The following ALDH1L1 variants were observed in gnomAD, a reference collection of about 807,000 sequenced individuals.
ALDH1L1 encodes cytosolic 10-formyltetrahydrofolate dehydrogenase.
ALDH1L1 carries 68 observed loss-of-function variants against 101.1 expected under a neutral mutation model. That is an observed-to-expected ratio of 0.67 (90% CI 0.55 to 0.82). The LOEUF (loss-of-function observed/expected upper bound fraction) is 0.82, where lower values mean the gene tolerates loss of function less well. ALDH1L1 is among the 40% of genes least tolerant of loss of function. The pLI, the probability that ALDH1L1 is intolerant of heterozygous loss-of-function variation, is 0.00. For synonymous variants in ALDH1L1, 486 were observed against 470.8 expected (o/e 1.03, Z -0.42); for missense variants, 1,087 against 1,172.7 (o/e 0.93, Z 1.07).
chr3:126,117,881 C>T, intron 17 of ALDH1L1, 124 bp downstream of exon 17: 2 of 961,216 alleles, frequency 2.1e-6, no homozygotes, highest in South Asian at 1.5e-5. Flanking sequence ...TAGAGCCCAG[C>T]AGGGCCACGG....
chr3:126,187,119 G>T (rs1282624028), intron 1 of ALDH1L1, among the ~76,000 whole-genome samples: 1 of 152,142 alleles, frequency 6.6e-6, no homozygotes, highest in African/African-American at 2.4e-5. Flanking sequence ...ACAAGAGAAG[G>T]TCATGGTGGG....
chr3:126,173,406 A>G (rs993703412), intron 1 of ALDH1L1, among the ~76,000 whole-genome samples: 1 of 152,198 alleles, frequency 6.6e-6, no homozygotes, highest in African/African-American at 2.4e-5. Flanking sequence ...ATTTAAGTGT[A>G]TATTGCAAAC....
chr3:126,192,947 G>T (rs1166548232), intron 1 of ALDH1L1, among the ~76,000 whole-genome samples: 2 of 152,194 alleles, frequency 1.3e-5, no homozygotes, highest in African/African-American at 4.8e-5. Flanking sequence ...GGAATCGGAG[G>T]TGAGGTACAG....
chr3:126,105,998 C>A, intron 21 of ALDH1L1, 73 bp from the exon 22 acceptor site: 4 of 1,420,882 alleles, frequency 2.8e-6, no homozygotes, highest in Non-Finnish European at 3.9e-6. Context: ...ACACCCCGGC[C>A]CACTCCACAC....
chr3:126,153,013 C>A (rs2080835370), intron 7 of ALDH1L1: 2 of 299,152 alleles, frequency 6.7e-6, no homozygotes, highest in African/African-American at 2.2e-5. Context: ...AGGCTCTGCA[C>A]GTGCTAAGTT....
chr3:126,153,579 T>C lies in ALDH1L1; in HGVS notation c.723A>G (p.Lys241=). The C allele has an allele frequency of 6.2e-7, 1 of 1,611,562 alleles. No homozygotes were observed. Among genetic ancestry groups the C allele is most frequent in the Non-Finnish European group, 8.5e-7 (1 of 1,178,360 alleles). ...TCAGCGTTGAGTTGAAAAATGTCAG[T>C]TTCTGTCAAGGGGAGAAATATCAGA... ...PGAWTEACEQ[K]LTFFNSTLNT... Residue 241 remains lysine (K), a splice_region_variant and synonymous_variant, in exon 7 of 23, where the codon AAA becomes AAG. Coordinates refer to ENST00000393434, the MANE Select transcript of ALDH1L1 (RefSeq NM_012190.4).
rs1214133879 is a variant in ALDH1L1, at chr3:126,136,839, C to T, written c.1269G>A (p.Gln423=). Residue 423 remains glutamine, a synonymous_variant, in exon 11 of 23, where the codon CAG becomes CAA. Transcript: ENST00000393434. ...CCACGAACTCCCCCCCAATGAAGAG[C>T]TGGTGGGGCATGCGGACAGTGCGCT... ...VNKRTVRMPH[Q]LFIGGEFVDA... 1.2e-6 allele frequency: 2 copies of T among 1,611,972 alleles called. No homozygotes were observed. The highest frequency in any genetic ancestry group is 2.2e-5 in the East Asian group (1 of 44,880).
intron 1 of ALDH1L1, among the ~76,000 whole-genome samples, chr3:126,193,743 G>A (rs541985231): frequency 1.8e-4 from 27 of 152,266 alleles, no homozygotes; most frequent in Admixed American, 1.8e-3. Flanking sequence ...GGTCATAATA[G>A]GCAATTTGAA....
chr3:126,114,547 C>G lies in ALDH1L1; in HGVS notation c.2082+10G>C. 6.7e-7 allele frequency: 1 copy of G among 1,491,264 alleles called. No homozygotes were observed. 92.4% of individuals were successfully genotyped at this position (1,491,264 alleles called of 1,614,324 possible). ...TCACTGTCCCTGCCCCCTCCAGGCC[C>G]GGCCCTCACCATCTGCACAGCCTTG... On this transcript the variant is annotated intron_variant, in intron 18 of 22. Transcript: ENST00000393434.
At chr3:126,188,803 T>C (rs2081535760) in intron 1 of ALDH1L1, among the ~76,000 whole-genome samples, 1 of 152,226 alleles carries the variant, frequency 6.6e-6, no homozygotes, top group Non-Finnish European at 1.5e-5. Context: ...ACTACTATTA[T>C]GACTATTGGG....
intron 2 of ALDH1L1, among the ~76,000 whole-genome samples, chr3:126,159,998 C>T (rs2081008402): frequency 6.6e-6 from 1 of 152,312 alleles, no homozygotes; most frequent in East Asian, 1.9e-4. Context: ...CAGTCTGTCT[C>T]CATCAGGCCT....
Position 126,125,610 on chromosome 3 carries a change from G to A in ALDH1L1, c.1800+6C>T, listed in dbSNP as rs750035297. The stretch of plus-strand genomic sequence containing the variant: ...CAGGCCCTGTCCAGAGTGAACCCAC[G>A]CTCACCTGAGCAGGCTTGATCACCA... On this transcript the variant is annotated splice_donor_region_variant and intron_variant, in intron 15 of 22. Transcript: ENST00000393434. 39 of 1,544,556 alleles carry A rather than the reference G, an allele frequency of 2.5e-5. No homozygotes were observed. The Admixed American group carries it at 2.8e-4, about 11-fold the overall frequency.
intron 1 of ALDH1L1, among the ~76,000 whole-genome samples, chr3:126,171,361 G>T (rs185622456): frequency 2.1e-4 from 32 of 152,160 alleles, no homozygotes; most frequent in South Asian, 4.2e-4. Flanking sequence ...TATGAAAACA[G>T]GCACACAACT....
intron 12 of ALDH1L1, among the ~76,000 whole-genome samples, chr3:126,133,353 G>A (rs77288007): frequency 0.02 from 2,986 of 152,224 alleles, 94 homozygotes; most frequent in African/African-American, 0.065. Context: ...AAGCCCACAC[G>A]GCAGCCTTGG....
chr3:126,136,171 GA>G (rs2080439430), intron 11 of ALDH1L1, among the ~76,000 whole-genome samples: 1 of 152,178 alleles, frequency 6.6e-6, no homozygotes, highest in Non-Finnish European at 1.5e-5. Flanking sequence ...CCTCTCAAAT[GA>G]CTCATTTTGA....
At chr3:126,140,781 AAAAAC>A (rs2080551620) in intron 9 of ALDH1L1, among the ~76,000 whole-genome samples, 1 of 152,064 alleles carries the variant, frequency 6.6e-6, no homozygotes, top group Non-Finnish European at 1.5e-5. Context: ...AGAAATAACT[AAAAAC>A]ATACAGTAAA....
chr3:126,174,850 C>T (rs2081343638), intron 1 of ALDH1L1, among the ~76,000 whole-genome samples: 1 of 151,926 alleles, frequency 6.6e-6, no homozygotes, highest in Admixed American at 6.6e-5. Context: ...AAAAGAAGAG[C>T]AAATTAAATC....
At chr3:126,143,260 A>G (rs1044177878) in intron 9 of ALDH1L1, among the ~76,000 whole-genome samples, 3 of 152,232 alleles carry the variant, frequency 2.0e-5, no homozygotes, top group Admixed American at 1.3e-4. Flanking sequence ...TTGAAGCATC[A>G]TAAGTCTGGG....
At chr3:126,143,488 A>G (rs2080609167) in intron 9 of ALDH1L1, among the ~76,000 whole-genome samples, 1 of 152,242 alleles carries the variant, frequency 6.6e-6, no homozygotes, top group Non-Finnish European at 1.5e-5. Flanking sequence ...ATATTTTCCA[A>G]CCATGATTGA....
Sources: allele counts gnomAD v4.1 joint callset (sites outside exome capture counted in the v4.1 genomes callset), GRCh38; gene constraint gnomAD v4.1.1; transcripts MANE v1.5; gene names NCBI Gene and HGNC (gene_info 2026-07-23, HGNC 2026-07-21).